Variants in ITPR1 observed in about 807,000 individuals in gnomAD.
ITPR1 encodes the protein inositol 1,4,5-trisphosphate-gated calcium channel ITPR1.
In ITPR1, 96 loss-of-function variants were observed where a neutral mutation model predicts 318.4. The observed-to-expected ratio is 0.30, with a 90% CI of 0.26 to 0.36. The LOEUF (loss-of-function observed/expected upper bound fraction) is 0.36, where lower values mean the gene tolerates loss of function less well. Ranked by LOEUF, ITPR1 falls within the 10% of genes least tolerant of loss-of-function variation. ITPR1 has a pLI of 1.00. For synonymous variants in ITPR1, 1,312 were observed against 1,289.9 expected (o/e 1.02, Z -0.37); for missense variants, 2,440 against 3,460.2 (o/e 0.71, Z 7.40).
At chr3:4,561,700 G>A (rs1206967433) in intron 4 of ITPR1, among the ~76,000 whole-genome samples, 1 of 151,956 alleles carries the variant, frequency 6.6e-6, no homozygotes, top group Non-Finnish European at 1.5e-5. Context: ...TTTAATCGTA[G>A]CATTGGTTTG....
chr3:4,611,721 G>T (rs1196584557), intron 4 of ITPR1, among the ~76,000 whole-genome samples: 2 of 152,074 alleles, frequency 1.3e-5, no homozygotes, highest in Non-Finnish European at 2.9e-5. Context: ...ACTCCAGCTT[G>T]GGTGCCAGCG....
chr3:4,797,298 A>G (rs1374003927), intron 53 of ITPR1, among the ~76,000 whole-genome samples: 1 of 152,080 alleles, frequency 6.6e-6, no homozygotes, highest in Non-Finnish European at 1.5e-5. Flanking sequence ...CATCCTCAGT[A>G]GAAGAGTTGT....
At chr3:4,764,096 G>A (rs111850913) in intron 44 of ITPR1, among the ~76,000 whole-genome samples, 2,511 of 152,324 alleles carry the variant, frequency 0.016, 41 homozygotes, top group South Asian at 0.062. Context: ...GCATGGGTGA[G>A]ATGTTGGATG....
At chr3:4,511,668 AG>A (rs1351246424) in intron 2 of ITPR1, among the ~76,000 whole-genome samples, 1 of 152,144 alleles carries the variant, frequency 6.6e-6, no homozygotes, top group African/African-American at 2.4e-5. Flanking sequence ...AGCTGGGAAA[AG>A]TGAGGCTTAG....
intron 7 of ITPR1, 124 bp from the exon 8 acceptor site, chr3:4,644,012 T>A: frequency 3.0e-6 from 2 of 669,566 alleles, no homozygotes; most frequent in Admixed American, 4.2e-5. Context: ...TACATCTTTA[T>A]ACTTGCTGGG....
chr3:4,582,725 C>T (rs1013912521), intron 4 of ITPR1, among the ~76,000 whole-genome samples: 4 of 151,618 alleles, frequency 2.6e-5, no homozygotes, highest in Non-Finnish European at 5.9e-5. Flanking sequence ...AGTGTCTTAC[C>T]ATCTGTTAGA....
chr3:4,782,619 G>A lies in ITPR1; in HGVS notation c.6388G>A (p.Val2130Met). ...TTTGTTCCCTTGGCTCTTCTTGCAG[G>A]TGGAAGTGATCAAGAAAGCCTACAT... ...ILYNMRPKEL[V>M]EVIKKAYMQG... is the part of the protein sequence containing the mutation. Residue 2130 changes from valine to methionine, a missense_variant and splice_region_variant, in exon 50 of 62, where the codon GTG becomes ATG. Val to Met is a conservative substitution (Grantham distance 21, BLOSUM62 1). This residue lies in a region of ITPR1 where 49 missense variants were observed against 47.2 expected (regional missense o/e 1.04). Coordinates refer to ENST00000649015, the MANE Select transcript of ITPR1 (RefSeq NM_001378452.1). 1 of 1,606,410 alleles carries A rather than the reference G, an allele frequency of 6.2e-7. No homozygotes were observed. The highest frequency in any genetic ancestry group is 8.5e-7 in the Non-Finnish European group (1 of 1,175,926).
chr3:4,693,480 C>A lies in ITPR1; in HGVS notation c.4030-10C>A. ...GCTTGTAATCTAAACCCACCCTGTT[C>A]TTTATGTAGCTGGTCAATTCGGGAG... On this transcript the variant is annotated splice_polypyrimidine_tract_variant and intron_variant, in intron 32 of 61. Coordinates refer to ENST00000649015, the MANE Select transcript of ITPR1 (RefSeq NM_001378452.1). The A allele has an allele frequency of 6.2e-7, 1 of 1,611,940 alleles. No individual in the cohort carries two copies. Among genetic ancestry groups the A allele is most frequent in the South Asian group, 1.1e-5 (1 of 91,024 alleles).
chr3:4,704,033 C>T (rs1287338313), intron 36 of ITPR1, among the ~76,000 whole-genome samples: 1 of 152,122 alleles, frequency 6.6e-6, no homozygotes, highest in Non-Finnish European at 1.5e-5. Flanking sequence ...CACGTTCTCA[C>T]TTAAAGTGGG....
chr3:4,578,411 T>C (rs1284031476), intron 4 of ITPR1, among the ~76,000 whole-genome samples: 1 of 152,116 alleles, frequency 6.6e-6, no homozygotes, highest in African/African-American at 2.4e-5. Context: ...GCCTCTGCAT[T>C]CAAATGAGGA....
intron 4 of ITPR1, among the ~76,000 whole-genome samples, chr3:4,596,376 A>G (rs1055070429): frequency 1.3e-5 from 2 of 152,142 alleles, no homozygotes; most frequent in Non-Finnish European, 2.9e-5. Context: ...CTCTGTATTT[A>G]TCATCTTTGG....
intron 35 of ITPR1, 23 bp downstream of exon 35, chr3:4,699,964 C>A: frequency 6.2e-7 from 1 of 1,607,810 alleles, no homozygotes; most frequent in Non-Finnish European, 8.5e-7. Flanking sequence ...CAACGTCAAG[C>A]AGAATGTTCA....
At chr3:4,605,165 G>A (rs1575686849) in intron 4 of ITPR1, among the ~76,000 whole-genome samples, 1 of 152,230 alleles carries the variant, frequency 6.6e-6, no homozygotes, top group East Asian at 1.9e-4. Flanking sequence ...TAAAGATGGG[G>A]TTTCACTATG....
chr3:4,504,564 C>T (rs1393340107), intron 2 of ITPR1, among the ~76,000 whole-genome samples: 1 of 152,180 alleles, frequency 6.6e-6, no homozygotes, highest in Non-Finnish European at 1.5e-5. Context: ...ATCTGATTAG[C>T]AGCTAATGGG....
chr3:4,785,058 T>C (rs1312506550), intron 51 of ITPR1, among the ~76,000 whole-genome samples: 2 of 152,240 alleles, frequency 1.3e-5, no homozygotes, highest in Admixed American at 1.3e-4. Context: ...GTTGGTGTTA[T>C]ATTGAAAATG....
intron 4 of ITPR1, among the ~76,000 whole-genome samples, chr3:4,572,122 C>G (rs2125038275): frequency 6.6e-6 from 1 of 152,226 alleles, no homozygotes; most frequent in South Asian, 2.1e-4. Context: ...CGGGTCCAGT[C>G]CTATGACTTG....
Position 4,682,085 on chromosome 3 carries a change from T to A in ITPR1, c.3161+667T>A, listed in dbSNP as rs114215703. 2.9e-3 allele frequency among the ~76,000 whole-genome samples: 440 copies of A among 152,348 alleles called. 1 individual carries two copies. Among genetic ancestry groups the A allele is most frequent in the African/African-American group, 0.01 (421 of 41,582 alleles). On this transcript the variant is annotated intron_variant, in intron 26 of 61. Coordinates refer to ENST00000649015, the MANE Select transcript of ITPR1 (RefSeq NM_001378452.1). The stretch of plus-strand genomic sequence containing the variant: ...CATATTACTCCAAAAAACTTAAGGA[T>A]TCAAACCACCACCATTTTATTAATA...
chr3:4,612,706 G>T (rs894158431), intron 4 of ITPR1, among the ~76,000 whole-genome samples: 1 of 152,016 alleles, frequency 6.6e-6, no homozygotes, highest in African/African-American at 2.4e-5. Context: ...GGCCAACGTG[G>T]CGAACCCCCG....
intron 12 of ITPR1, 82 bp downstream of exon 12, chr3:4,653,968 C>A: frequency 1.0e-6 from 1 of 993,894 alleles, no homozygotes; most frequent in Non-Finnish European, 1.6e-6. Context: ...GAAACTGTCA[C>A]TGTGGTCACG....
Sources: gnomAD v4.1 joint callset for allele counts (sites outside exome capture counted in the v4.1 genomes callset) on GRCh38, gnomAD v4.1.1 for gene constraint, gnomAD v4.1.1 regional missense constraint, MANE v1.5 for transcripts, NCBI Gene and HGNC (gene_info 2026-07-23, HGNC 2026-07-21) for gene names.